MICAL2: variants seen among roughly 807,000 people sequenced by gnomAD.
MICAL2 encodes the protein [F-actin]-monooxygenase MICAL2.
Under a neutral mutation model 127.3 loss-of-function variants are expected in MICAL2, and 77 were observed. The observed-to-expected ratio is 0.60, with a 90% CI of 0.50 to 0.73. The LOEUF (loss-of-function observed/expected upper bound fraction) is 0.73. Among genes scored for constraint, MICAL2 ranks in the 30% least tolerant of loss-of-function variants. The pLI, the probability that MICAL2 is intolerant of heterozygous loss-of-function variation, is 0.00. For missense variants in MICAL2, 1,351 were observed against 1,434.4 expected (o/e 0.94, Z 0.94); for synonymous variants, 570 against 551.1 (o/e 1.03, Z -0.48).
rs1330238688 is a variant in MICAL2 at position 12,110,597 on chromosome 11, T to TG, written c.-276dup. 3.9e-5 allele frequency: 6 copies of TG among 151,936 alleles called. No homozygotes were observed. The highest frequency in any genetic ancestry group is 1.4e-4 in the African/African-American group (6 of 41,502). The allele number at this position is 151,936 out of a possible 1,614,324, so 9.4% of individuals were successfully genotyped here. A position where few individuals can be genotyped will look rare whatever the true frequency, so the allele number is the denominator to read the frequency against. Reference sequence around the variant, plus strand: ...CGGCGCAGAACCGCAGGCGCTCGGCTGGCTAAGCCTGCGCCGGGCCGCCTC... The same window carrying TG: ...CGGCGCAGAACCGCAGGCGCTCGGCTGGGCTAAGCCTGCGCCGGGCCGCCTC... On this transcript the variant is annotated 5_prime_UTR_variant, in exon 1 of 28. Coordinates refer to ENST00000683283, the MANE Select transcript of MICAL2 (RefSeq NM_001282663.2). The surrounding 1 kb of genome is among the most constrained non-coding windows in gnomAD (Gnocchi z 4.5).
At chr11:12,287,597 CCACACACA>C (rs374186564), downstream of MICAL2, among the ~76,000 whole-genome samples, 18 of 151,424 alleles carry the variant, frequency 1.2e-4, no homozygotes, top group African/African-American at 4.4e-4. Context: ...ACCCACACAT[CCACACACA>C]CACACATGCA....
chr11:12,241,640 G>A (rs1364432669), intron 18 of MICAL2, among the ~76,000 whole-genome samples: 1 of 152,214 alleles, frequency 6.6e-6, no homozygotes, highest in Non-Finnish European at 1.5e-5. Flanking sequence ...GAAGGCAGCT[G>A]GCAGTCACGG....
intron 2 of MICAL2, among the ~76,000 whole-genome samples, chr11:12,150,911 T>G (rs1262815783): frequency 6.6e-6 from 1 of 152,120 alleles, no homozygotes; most frequent in Non-Finnish European, 1.5e-5. Flanking sequence ...GAGCTTGAGG[T>G]GGTAGGAGTT....
At chr11:12,120,848 G>C (rs540570394) in intron 1 of MICAL2, among the ~76,000 whole-genome samples, 40 of 152,300 alleles carry the variant, frequency 2.6e-4, no homozygotes, top group African/African-American at 9.6e-4. Flanking sequence ...GAGAGGGATA[G>C]TCAGAGTCAT....
intron 34 of MICAL2, among the ~76,000 whole-genome samples, chr11:12,355,644 G>T (rs1243647076): frequency 6.6e-6 from 1 of 152,166 alleles, no homozygotes; most frequent in Non-Finnish European, 1.5e-5. Flanking sequence ...GCAAATGTTA[G>T]GCATTATTAT....
intron 29 of MICAL2, among the ~76,000 whole-genome samples, chr11:12,301,878 A>T (rs939283600): frequency 3.9e-5 from 6 of 152,208 alleles, no homozygotes; most frequent in African/African-American, 1.4e-4. Flanking sequence ...GTCCTTGAGA[A>T]AGACACTCCT....
intron 6 of MICAL2, among the ~76,000 whole-genome samples, chr11:12,211,837 T>A (rs1221602811): frequency 6.6e-6 from 1 of 152,058 alleles, no homozygotes; most frequent in Non-Finnish European, 1.5e-5. Context: ...GCAGAAACGG[T>A]CCAATGGCGG....
In MICAL2 at chr11:12,216,179, G is replaced by A. The variant is rs112994917; in HGVS notation, c.848-40G>A. On this transcript the variant is annotated intron_variant, in intron 7 of 27. Coordinates refer to ENST00000683283, the MANE Select transcript of MICAL2 (RefSeq NM_001282663.2). ...CAGTTCCTGGCACACAGTTGGTGCCGAGGAAGTAACACTGAGCTTGTGAAT... is the reference window on the plus strand; with the variant it reads ...CAGTTCCTGGCACACAGTTGGTGCCAAGGAAGTAACACTGAGCTTGTGAAT... 448 of 1,446,180 alleles carry A rather than the reference G, an allele frequency of 3.1e-4. No individual in the cohort carries two copies. In the African/African-American group the frequency reaches 3.5e-3, roughly 11 times the overall value. The allele number at this position is 1,446,180 out of a possible 1,614,324, so 89.6% of individuals were successfully genotyped here. A position where few individuals can be genotyped will look rare whatever the true frequency, so the allele number is the denominator to read the frequency against.
intron 21 of MICAL2, 134 bp from the exon 22 acceptor site, chr11:12,249,050 C>A: frequency 1.8e-6 from 2 of 1,100,124 alleles, no homozygotes; most frequent in South Asian, 3.2e-5. Flanking sequence ...TTGAGGGTAA[C>A]TGGAATACTG....
At chr11:12,214,852 G>A (rs1290882619) in intron 7 of MICAL2, among the ~76,000 whole-genome samples, 3 of 151,670 alleles carry the variant, frequency 2.0e-5, no homozygotes, top group Non-Finnish European at 4.4e-5. Context: ...CACACAACTT[G>A]CTGACCTCTG....
At chr11:12,175,789 C>T (rs1856777371) in intron 3 of MICAL2, among the ~76,000 whole-genome samples, 1 of 152,020 alleles carries the variant, frequency 6.6e-6, no homozygotes, top group East Asian at 1.9e-4. Context: ...GGCAAAGGAG[C>T]AGCAGGTACA....
At position 12,334,193 on chromosome 11, in the gene MICAL2, C is replaced by G. The variant is rs143345722; in HGVS notation, c.5515+6927C>G. Among the ~76,000 whole-genome samples the G allele has an allele frequency of 3.7e-3, 560 of 152,188 alleles. 5 individuals carry two copies. Among genetic ancestry groups the G allele is most frequent in the African/African-American group, 0.013 (542 of 41,530 alleles). ...CCACAGAGGATTTGTTCCAGAACCC[C>G]TGAAGATACCAAAATTTGAGGATGC... On this transcript the variant is annotated intron_variant, in intron 32 of 34. Transcript: ENST00000646065.
At chr11:12,201,037 G>A (rs891212603) in intron 3 of MICAL2, among the ~76,000 whole-genome samples, 2 of 152,196 alleles carry the variant, frequency 1.3e-5, no homozygotes, top group Admixed American at 1.3e-4. Context: ...GCTTGGAGTC[G>A]TGCTTTGAAA....
chr11:12,291,130 G>T (rs1015845378), downstream of MICAL2, among the ~76,000 whole-genome samples: 3 of 152,162 alleles, frequency 2.0e-5, no homozygotes, highest in Admixed American at 6.5e-5. Flanking sequence ...GTTTCTGGGG[G>T]ACATCCCTAC....
intron 3 of MICAL2, among the ~76,000 whole-genome samples, chr11:12,183,199 A>G (rs1185575614): frequency 1.3e-5 from 2 of 151,356 alleles, no homozygotes; most frequent in Non-Finnish European, 2.9e-5. Flanking sequence ...ATCCTGAATC[A>G]GAAAAGTTTT....
chr11:12,132,752 G>T (rs760479460), intron 1 of MICAL2, among the ~76,000 whole-genome samples: 47 of 152,226 alleles, frequency 3.1e-4, no homozygotes, highest in Non-Finnish European at 3.2e-4. Flanking sequence ...CATGATTGTA[G>T]TCAGGAAGAT....
At chr11:12,355,048 G>A (rs907568041) in intron 34 of MICAL2, among the ~76,000 whole-genome samples, 5 of 152,220 alleles carry the variant, frequency 3.3e-5, no homozygotes, top group African/African-American at 1.2e-4. Flanking sequence ...GGCTGTGAGG[G>A]CAGTGCTTTC....
At chr11:12,178,693 T>C (rs1857105433) in intron 3 of MICAL2, among the ~76,000 whole-genome samples, 1 of 151,968 alleles carries the variant, frequency 6.6e-6, no homozygotes, top group African/African-American at 2.4e-5. Context: ...AGATGGTAAA[T>C]GTCTCTCATC....
At position 12,328,192 on chromosome 11, in the gene MICAL2, T is replaced by A. The variant is rs114171646; in HGVS notation, c.5515+926T>A. 6.4e-3 allele frequency among the ~76,000 whole-genome samples: 972 copies of A among 152,328 alleles called. 14 individuals are homozygous for A. Among genetic ancestry groups the A allele is most frequent in the African/African-American group, 0.021 (892 of 41,578 alleles). ...TACTATGCATTAGACATTAAAACAC[T>A]GGGTCTGTAACAATGAGTATGATGC... On this transcript the variant is annotated intron_variant, in intron 32 of 34. Transcript: ENST00000646065.
Sources: allele counts gnomAD v4.1 joint callset (sites outside exome capture counted in the v4.1 genomes callset), GRCh38; gene constraint gnomAD v4.1.1; non-coding constraint Gnocchi (gnomAD v3.1); transcripts MANE v1.5; gene names NCBI Gene and HGNC (gene_info 2026-07-23, HGNC 2026-07-21).